The following NDUFS4 variants were observed in gnomAD, a reference collection of about 807,000 sequenced individuals.
NDUFS4 encodes the protein NADH dehydrogenase [ubiquinone] iron-sulfur protein 4, mitochondrial.
Under a neutral mutation model 24.3 loss-of-function variants are expected in NDUFS4, and 28 were observed. The ratio of observed to expected loss-of-function variants is 1.15; its 90% CI spans 0.85 to 1.58. NDUFS4 has a LOEUF of 1.58. Among genes scored for constraint, NDUFS4 ranks in the 40% most tolerant of loss-of-function variants. The pLI is 0.00. For synonymous variants in NDUFS4, 93 were observed against 69.7 expected, an observed-to-expected ratio of 1.34 and a Z score of -1.67; for missense variants, 223 against 207.9, an observed-to-expected ratio of 1.07 and a Z score of -0.45.
chr5:53,611,203 T>C (rs370652246), intron 2 of NDUFS4, among the ~76,000 whole-genome samples: 1 of 151,278 alleles, frequency 6.6e-6, no homozygotes, highest in Admixed American at 6.6e-5. Flanking sequence ...GAAAAACTTG[T>C]GGTTTTTTTT....
intron 2 of NDUFS4, among the ~76,000 whole-genome samples, chr5:53,610,974 T>C (rs1199729962): frequency 6.6e-6 from 1 of 152,248 alleles, no homozygotes; most frequent in East Asian, 1.9e-4. Flanking sequence ...TCAGATTCTC[T>C]CTTTTGTGTG....
rs1196113892 is a variant in NDUFS4, at chr5:53,574,600, TTCA to T, written c.98+13846_98+13848del. 3.9e-5 allele frequency among the ~76,000 whole-genome samples: 6 copies of T among 152,324 alleles called. No homozygotes were observed. In the South Asian group the frequency reaches 6.2e-4, roughly 16 times the overall value. On this transcript the variant is annotated intron_variant, in intron 1 of 4. Transcript: ENST00000296684. ...ACTCATAAAATGAGCTGGGAAATTT[TTCA>T]TCATCTTTTCTTTTGAATTGCTTTA...
intron 4 of NDUFS4, among the ~76,000 whole-genome samples, chr5:53,681,998 T>C (rs1166240509): frequency 1.3e-5 from 2 of 152,168 alleles, no homozygotes; most frequent in East Asian, 3.9e-4. Context: ...TTAGACTATA[T>C]AATAAATAAT....
intron 1 of NDUFS4, among the ~76,000 whole-genome samples, chr5:53,578,993 A>G (rs900692373): frequency 6.6e-6 from 1 of 152,194 alleles, no homozygotes; most frequent in Non-Finnish European, 1.5e-5. Flanking sequence ...ACAACAATCT[A>G]TCTTTAGCAT....
chr5:53,590,005 T>A (rs2112440280), intron 1 of NDUFS4, among the ~76,000 whole-genome samples: 1 of 152,294 alleles, frequency 6.6e-6, no homozygotes, highest in Non-Finnish European at 1.5e-5. Context: ...TGTGTCCCTC[T>A]AGAGAACCCT....
In NDUFS4 at chr5:53,561,991, AT is replaced by A. The variant is rs200035884; in HGVS notation, c.98+1236del. On this transcript the variant is annotated intron_variant, in intron 1 of 4. Transcript: ENST00000296684. ...ATTAAGTGTTCCATATATGGAAAGT[AT>A]TTTTCCTTTTTCTTTCTCTTTTTTT... Among the ~76,000 whole-genome samples the A allele has an allele frequency of 1.3e-3, 203 of 151,638 alleles. 6 individuals are homozygous for A. In the East Asian group the frequency reaches 0.037, roughly 28 times the overall value.
rs571536446 is a variant in NDUFS4 at position 53,678,542 on chromosome 5, A to C, written c.425-4576A>C. On this transcript the variant is annotated intron_variant, in intron 4 of 4. Transcript: ENST00000296684. ...GGCTGGTTTTCAGTACCCTAATAGG[A>C]CAACATATGGGACCATTATGATTGT... Among the ~76,000 whole-genome samples, 107 of 152,246 alleles carry C rather than the reference A, an allele frequency of 7.0e-4. 1 individual carries two copies. The highest frequency in any genetic ancestry group is 1.6e-3 in the African/African-American group (67 of 41,556).
chr5:53,575,084 G>T (rs1212441761), intron 1 of NDUFS4, among the ~76,000 whole-genome samples: 2 of 152,184 alleles, frequency 1.3e-5, no homozygotes, highest in African/African-American at 2.4e-5. Context: ...GTGTATGAGA[G>T]AAAAGAGAAG....
chr5:53,603,133 T>C (rs1267564248), intron 1 of NDUFS4, among the ~76,000 whole-genome samples: 1 of 152,140 alleles, frequency 6.6e-6, no homozygotes, highest in Non-Finnish European at 1.5e-5. Flanking sequence ...TGTTTCTGGC[T>C]GGTCGTGACA....
rs551647562 is a variant in NDUFS4, at chr5:53,637,573, A to G, written c.178-8660A>G. On this transcript the variant is annotated intron_variant, in intron 2 of 4. Coordinates refer to ENST00000296684, the MANE Select transcript of NDUFS4 (RefSeq NM_002495.4). ...AGAATTTTTTCCATTTTTGTTTATA[A>G]AAGTATACTTTGCCAAATTGCTGTA... Among the ~76,000 whole-genome samples, 49 of 152,298 alleles carry G rather than the reference A, an allele frequency of 3.2e-4. 1 individual carries two copies. The highest frequency in any genetic ancestry group is 1.7e-3 in the Admixed American group (26 of 15,294).
intron 1 of NDUFS4, among the ~76,000 whole-genome samples, chr5:53,584,069 C>G (rs949013389): frequency 6.6e-6 from 1 of 152,154 alleles, no homozygotes; most frequent in Non-Finnish European, 1.5e-5. Flanking sequence ...TCACTTACAC[C>G]TCCCACTCCC....
intron 2 of NDUFS4, among the ~76,000 whole-genome samples, chr5:53,636,582 TAATC>T (rs1008673477): frequency 4.6e-5 from 7 of 152,208 alleles, no homozygotes; most frequent in Non-Finnish European, 8.8e-5. Context: ...TTATCAAAGA[TAATC>T]AAACTAATTT....
intron 2 of NDUFS4, among the ~76,000 whole-genome samples, chr5:53,632,659 A>G (rs1427906998): frequency 6.6e-6 from 1 of 152,160 alleles, no homozygotes; most frequent in Non-Finnish European, 1.5e-5. Flanking sequence ...GCCCCCATGC[A>G]TGAAGCTGAG....
chr5:53,562,982 C>G (rs908926973), intron 1 of NDUFS4, among the ~76,000 whole-genome samples: 2 of 152,100 alleles, frequency 1.3e-5, no homozygotes, highest in African/African-American at 4.8e-5. Context: ...GTAATCCCAG[C>G]ACTTTGGGAG....
At chr5:53,580,714 T>TTTTCCTTTCC (rs796511734) in intron 1 of NDUFS4, among the ~76,000 whole-genome samples, 4 of 71,964 alleles carry the variant, frequency 5.6e-5, no homozygotes, top group African/African-American at 2.6e-4. Context: ...TTTCCTTTCC[T>TTTTCCTTTCC]TTTCCTTTTC....
intron 1 of NDUFS4, among the ~76,000 whole-genome samples, chr5:53,586,832 C>CT (rs1490292061): frequency 2.0e-5 from 3 of 151,356 alleles, no homozygotes; most frequent in South Asian, 4.2e-4. Flanking sequence ...CTGTTTCTTC[C>CT]TTTTTTTTGA....
intron 2 of NDUFS4, among the ~76,000 whole-genome samples, chr5:53,637,710 T>G (rs1331182837): frequency 1.3e-5 from 2 of 152,156 alleles, no homozygotes; most frequent in African/African-American, 4.8e-5. Flanking sequence ...TCCTCATTAG[T>G]TCATTCACCC....
chr5:53,560,809 T>C (rs1272083839), intron 1 of NDUFS4, 49 bp downstream of exon 1: 2 of 1,612,440 alleles, frequency 1.2e-6, no homozygotes, highest in Non-Finnish European at 1.7e-6. Flanking sequence ...TCCCTCCATT[T>C]TTGCGGAGTC....
intron 4 of NDUFS4, among the ~76,000 whole-genome samples, chr5:53,672,004 G>A (rs888723673): frequency 6.6e-6 from 1 of 152,050 alleles, no homozygotes; most frequent in Non-Finnish European, 1.5e-5. Context: ...TTCATAGTGG[G>A]TCTATTGGGG....
Sources: allele counts gnomAD v4.1 joint callset (sites outside exome capture counted in the v4.1 genomes callset), GRCh38; gene constraint gnomAD v4.1.1; transcripts MANE v1.5; gene names NCBI Gene and HGNC (gene_info 2026-07-23, HGNC 2026-07-21).